Variants in CACNA2D1 observed in about 807,000 individuals in gnomAD.
The protein encoded by CACNA2D1 is voltage-dependent calcium channel subunit alpha-2/delta-1.
Under a neutral mutation model 171.5 loss-of-function variants are expected in CACNA2D1, and 53 were observed. The ratio of observed to expected loss-of-function variants is 0.31; its 90% CI spans 0.25 to 0.39. CACNA2D1 has a LOEUF of 0.39. Ranked by LOEUF, CACNA2D1 falls within the 10% of genes least tolerant of loss-of-function variation. The pLI is 1.00. For synonymous variants in CACNA2D1, 442 were observed against 443.1 expected (o/e 1.00, Z 0.03); for missense variants, 903 against 1,299.8 (o/e 0.69, Z 4.69).
At chr7:82,183,975 T>C (rs531939952) in intron 3 of CACNA2D1, among the ~76,000 whole-genome samples, 4 of 152,020 alleles carry the variant, frequency 2.6e-5, no homozygotes, top group African/African-American at 9.6e-5. Context: ...GGTGGTAAAC[T>C]ATTTATCATT....
chr7:82,392,707 A>T (rs1328153608), intron 1 of CACNA2D1, among the ~76,000 whole-genome samples: 1 of 152,200 alleles, frequency 6.6e-6, no homozygotes, highest in Non-Finnish European at 1.5e-5. Flanking sequence ...TTTAGAATGA[A>T]TGAATGTATT....
chr7:82,349,905 G>T (rs549719486), intron 1 of CACNA2D1, among the ~76,000 whole-genome samples: 4 of 152,248 alleles, frequency 2.6e-5, no homozygotes, highest in South Asian at 4.1e-4. Flanking sequence ...TCTTGTCCAA[G>T]GAGAGTAAAC....
intron 3 of CACNA2D1, among the ~76,000 whole-genome samples, chr7:82,179,058 C>T (rs749799811): frequency 1.3e-5 from 2 of 151,512 alleles, no homozygotes; most frequent in Non-Finnish European, 2.9e-5. Flanking sequence ...CAAAAGCTGT[C>T]CTCCTACACG....
chr7:82,360,218 T>C (rs1820937191), intron 1 of CACNA2D1, among the ~76,000 whole-genome samples: 1 of 152,194 alleles, frequency 6.6e-6, no homozygotes. Flanking sequence ...TAGACTGTCA[T>C]AGCCCTAGGT....
intron 3 of CACNA2D1, among the ~76,000 whole-genome samples, chr7:82,285,870 A>C (rs10280428): frequency 0.16 from 24,449 of 152,160 alleles, 3,970 homozygotes; most frequent in African/African-American, 0.42. Context: ...ACAGCTGATA[A>C]AATACAGTTG....
chr7:82,282,185 C>A (rs552625511), intron 3 of CACNA2D1, among the ~76,000 whole-genome samples: 1 of 152,222 alleles, frequency 6.6e-6, no homozygotes, highest in Admixed American at 6.5e-5. Flanking sequence ...GTAGTCCCAG[C>A]TACTTCGGAG....
chr7:82,066,582 T>G, intron 7 of CACNA2D1, 58 bp from the exon 8 acceptor site: 1 of 1,527,176 alleles, frequency 6.5e-7, no homozygotes, highest in Non-Finnish European at 8.7e-7. Flanking sequence ...GCTCTAAAAA[T>G]AATGAGACTT....
chr7:82,262,009 T>C (rs563204821), intron 3 of CACNA2D1, among the ~76,000 whole-genome samples: 12 of 152,340 alleles, frequency 7.9e-5, no homozygotes, highest in African/African-American at 2.6e-4. Context: ...CACTGACTTA[T>C]ATGCAACCTC....
At chr7:82,240,559 A>G (rs1357741842) in intron 3 of CACNA2D1, among the ~76,000 whole-genome samples, 1 of 152,222 alleles carries the variant, frequency 6.6e-6, no homozygotes, top group Non-Finnish European at 1.5e-5. Context: ...GTATAAATAC[A>G]TCAAAGAATT....
intron 3 of CACNA2D1, among the ~76,000 whole-genome samples, chr7:82,215,036 A>C (rs1800956742): frequency 6.6e-6 from 1 of 152,186 alleles, no homozygotes; most frequent in African/African-American, 2.4e-5. Context: ...TTTTTGGCTA[A>C]ACAGAGAAAT....
intron 12 of CACNA2D1, among the ~76,000 whole-genome samples, chr7:82,018,504 T>C (rs185613829): frequency 2.6e-5 from 4 of 152,340 alleles, no homozygotes; most frequent in Admixed American, 6.5e-5. Flanking sequence ...TTAATCTTTT[T>C]ATTTAATATT....
At chr7:82,380,404 A>T (rs4732449) in intron 1 of CACNA2D1, among the ~76,000 whole-genome samples, 2 of 151,824 alleles carry the variant, frequency 1.3e-5, no homozygotes, top group African/African-American at 2.4e-5. Flanking sequence ...CCTATGATTA[A>T]GTTTTATATG....
At chr7:82,208,953 T>C (rs955880927) in intron 3 of CACNA2D1, among the ~76,000 whole-genome samples, 1 of 152,314 alleles carries the variant, frequency 6.6e-6, no homozygotes, top group Admixed American at 6.5e-5. Flanking sequence ...TATACAATTT[T>C]TATTTGTCAA....
chr7:82,201,124 G>C (rs1211432256), intron 3 of CACNA2D1, among the ~76,000 whole-genome samples: 1 of 152,164 alleles, frequency 6.6e-6, no homozygotes, highest in Non-Finnish European at 1.5e-5. Context: ...TAGATACCAG[G>C]TAGGGTATTG....
At chr7:82,083,080 T>G (rs1809997472) in intron 7 of CACNA2D1, among the ~76,000 whole-genome samples, 1 of 152,016 alleles carries the variant, frequency 6.6e-6, no homozygotes, top group African/African-American at 2.4e-5. Flanking sequence ...TCTCTCTTCC[T>G]CTATATCATC....
At chr7:82,202,732 G>T (rs2129208342) in intron 3 of CACNA2D1, among the ~76,000 whole-genome samples, 1 of 152,224 alleles carries the variant, frequency 6.6e-6, no homozygotes. Flanking sequence ...TGTGAATGCA[G>T]GCCTGGGTCC....
intron 2 of CACNA2D1, among the ~76,000 whole-genome samples, chr7:82,345,104 C>T (rs114007512): frequency 0.01 from 1,579 of 151,982 alleles, 36 homozygotes; most frequent in African/African-American, 0.035. Flanking sequence ...TTAAACTCTC[C>T]GCCACCTAGA....
At chr7:82,208,549 A>G (rs1277352132) in intron 3 of CACNA2D1, among the ~76,000 whole-genome samples, 1 of 152,158 alleles carries the variant, frequency 6.6e-6, no homozygotes, top group Non-Finnish European at 1.5e-5. Context: ...GATGAGTGAC[A>G]TTATTCATAT....
intron 3 of CACNA2D1, among the ~76,000 whole-genome samples, chr7:82,285,865 T>C (rs2282942): frequency 6.6e-6 from 1 of 152,186 alleles, no homozygotes; most frequent in Non-Finnish European, 1.5e-5. Flanking sequence ...CTGGCACAGC[T>C]GATAAAATAC....
Sources: gnomAD v4.1 joint callset for allele counts (sites outside exome capture counted in the v4.1 genomes callset) on GRCh38, gnomAD v4.1.1 for gene constraint, MANE v1.5 for transcripts, NCBI Gene and HGNC (gene_info 2026-07-23, HGNC 2026-07-21) for gene names.